The following MGMT variants were observed in gnomAD, a reference collection of about 807,000 sequenced individuals.
The protein encoded by MGMT is O-6-methylguanine-DNA methyltransferase.
Under a neutral mutation model 15.9 loss-of-function variants are expected in MGMT, and 14 were observed. The observed-to-expected ratio is 0.88, with a 90% CI of 0.58 to 1.37. The LOEUF (loss-of-function observed/expected upper bound fraction) is 1.37, where lower values mean the gene tolerates loss of function less well. MGMT is among the 40% of genes most tolerant of loss of function. The probability of loss-of-function intolerance (pLI) is 0.00; values close to 1 mark genes in which losing one functional copy is unlikely to be tolerated. For missense variants in MGMT, 282 were observed against 268.1 expected (o/e 1.05, Z -0.36); for synonymous variants, 130 against 118.2 (o/e 1.10, Z -0.65).
intron 2 of MGMT, among the ~76,000 whole-genome samples, chr10:129,697,724 G>A (rs796825758): frequency 4.3e-4 from 65 of 152,268 alleles, no homozygotes; most frequent in African/African-American, 1.5e-3. Context: ...ATGTGACGTC[G>A]AGGCGCCATG....
intron 1 of MGMT, among the ~76,000 whole-genome samples, chr10:129,473,930 C>T (rs1288810217): frequency 2.0e-5 from 3 of 152,106 alleles, no homozygotes; most frequent in South Asian, 4.1e-4. Context: ...AGCCATGTCC[C>T]GGGACTGTGC....
chr10:129,598,494 C>T (rs1377914561), intron 2 of MGMT, among the ~76,000 whole-genome samples: 4 of 152,276 alleles, frequency 2.6e-5, no homozygotes, highest in Admixed American at 2.6e-4. Flanking sequence ...CCCACACTCC[C>T]CTGCAGTGGT....
rs79829133 is a variant in MGMT, at chr10:129,760,279, G to A, written c.414+938G>A. Reference sequence around the variant, plus strand: ...TGTGTGGGGGCAGAAAGGGTGCCCCGTCTGCGTGGCCCATTGGGAGAACCC... The same window carrying A: ...TGTGTGGGGGCAGAAAGGGTGCCCCATCTGCGTGGCCCATTGGGAGAACCC... On this transcript the variant is annotated intron_variant, in intron 4 of 4. Transcript: ENST00000651593. Among the ~76,000 whole-genome samples, 117 of 152,328 alleles carry A rather than the reference G, an allele frequency of 7.7e-4. 1 individual carries two copies. The highest frequency in any genetic ancestry group is 2.6e-3 in the African/African-American group (108 of 41,584).
chr10:129,508,422 G>A (rs1845646740), intron 1 of MGMT, among the ~76,000 whole-genome samples: 1 of 151,822 alleles, frequency 6.6e-6, no homozygotes, highest in Non-Finnish European at 1.5e-5. Context: ...TGTCAGTTGA[G>A]AAAACTGGTT....
At position 129,556,158 on chromosome 10, in the gene MGMT, G is replaced by A. The variant is rs897606095; in HGVS notation, c.125+19781G>A. Among the ~76,000 whole-genome samples the A allele has an allele frequency of 9.2e-5, 14 of 152,152 alleles. No individual in the cohort carries two copies. The highest frequency in any genetic ancestry group is 1.9e-4 in the African/African-American group (8 of 41,436). On this transcript the variant is annotated intron_variant, in intron 2 of 4. Transcript: ENST00000651593. This position sits in a 1 kb window ranked among gnomAD's most constrained non-coding sequence, Gnocchi z 4.3. ...GTTTCATCGCCATTTAACCCTCCGC[G>A]TCTCACAGAGACCAAGCAGTGCTTT...
chr10:129,652,742 G>A (rs978233997), intron 2 of MGMT, among the ~76,000 whole-genome samples: 2 of 152,210 alleles, frequency 1.3e-5, no homozygotes, highest in African/African-American at 4.8e-5. Context: ...CGGCCGGCCT[G>A]CCTGCCTCTG....
At chr10:129,701,528 C>T (rs1848099388) in intron 2 of MGMT, 1 of 152,152 alleles carries the variant, frequency 6.6e-6, no homozygotes, top group Admixed American at 6.5e-5. Flanking sequence ...TTTAGTGATT[C>T]TCTACTGCCA....
rs1848347506 is a variant in MGMT, at chr10:129,719,754, C to CA, written c.274+11713dup. Among the ~76,000 whole-genome samples the CA allele has an allele frequency of 2.0e-5, 3 of 152,298 alleles. No individual in the cohort carries two copies. The East Asian group carries it at 5.8e-4, about 29-fold the overall frequency. On this transcript the variant is annotated intron_variant, in intron 3 of 4. Transcript: ENST00000651593. ...GTTGAAATGCCGAGGGTCAGGGCTG[C>CA]AACATACGAATTTTGGCAGAACATA...
chr10:129,687,805 A>G (rs569842323), intron 2 of MGMT, among the ~76,000 whole-genome samples: 31 of 151,462 alleles, frequency 2.0e-4, no homozygotes, highest in Admixed American at 7.2e-4. Flanking sequence ...CCATTAACTC[A>G]TCACTTACAT....
intron 2 of MGMT, among the ~76,000 whole-genome samples, chr10:129,545,272 G>A (rs377022124): frequency 2.0e-5 from 3 of 152,212 alleles, no homozygotes; most frequent in East Asian, 1.9e-4. Flanking sequence ...CTTGCCTGCA[G>A]TTGAGGGAGC....
chr10:129,589,462 C>T (rs1435642067), intron 2 of MGMT, among the ~76,000 whole-genome samples: 1 of 152,244 alleles, frequency 6.6e-6, no homozygotes, highest in African/African-American at 2.4e-5. Flanking sequence ...TTCTCAGTCG[C>T]ATTGTGGCTC....
At chr10:129,582,759 C>T (rs573834461) in intron 2 of MGMT, among the ~76,000 whole-genome samples, 3 of 152,316 alleles carry the variant, frequency 2.0e-5, no homozygotes, top group Admixed American at 2.0e-4. Context: ...CAGCGGGTTC[C>T]TGGCTCTTTA....
At chr10:129,580,830 T>G (rs553794726) in intron 2 of MGMT, among the ~76,000 whole-genome samples, 1 of 152,234 alleles carries the variant, frequency 6.6e-6, no homozygotes, top group Non-Finnish European at 1.5e-5. Context: ...TCCGTTTTGT[T>G]GAGGTCTTTG....
intron 3 of MGMT, among the ~76,000 whole-genome samples, chr10:129,736,636 G>A (rs1848565763): frequency 6.6e-6 from 1 of 152,128 alleles, no homozygotes; most frequent in Admixed American, 6.5e-5. Context: ...CTCGTTAGTT[G>A]ATGCAGTTTT....
In MGMT at chr10:129,755,454, C is replaced by T. The variant is rs572321646; in HGVS notation, c.275-3748C>T. On this transcript the variant is annotated intron_variant, in intron 3 of 4. Transcript: ENST00000651593. ...ACTGAGATGCTCTGCAAGCATGACC[C>T]GGCAGGTAGCACCTGTGTGTATGGG... 9.8e-5 allele frequency among the ~76,000 whole-genome samples: 15 copies of T among 152,330 alleles called. No individual in the cohort carries two copies. The South Asian group carries it at 1.5e-3, about 15-fold the overall frequency.
At chr10:129,569,361 A>G (rs976663594) in intron 2 of MGMT, among the ~76,000 whole-genome samples, 1 of 152,164 alleles carries the variant, frequency 6.6e-6, no homozygotes, top group Non-Finnish European at 1.5e-5. Context: ...CTAGCCTGCG[A>G]GTGGCTCAGG....
chr10:129,550,971 G>T (rs953337685), intron 2 of MGMT, among the ~76,000 whole-genome samples: 29 of 152,156 alleles, frequency 1.9e-4, no homozygotes, highest in African/African-American at 6.0e-4. Context: ...TGGAGGGCAG[G>T]TGGGCCTCTG....
chr10:129,527,720 C>G (rs117223285), intron 1 of MGMT, among the ~76,000 whole-genome samples: 1 of 152,014 alleles, frequency 6.6e-6, no homozygotes, highest in East Asian at 1.9e-4. Context: ...TCCCTGTCCC[C>G]ACCCTTGACA....
At chr10:129,631,650 C>T (rs1847210920) in intron 2 of MGMT, among the ~76,000 whole-genome samples, 1 of 152,068 alleles carries the variant, frequency 6.6e-6, no homozygotes. Context: ...AGGCAAAACC[C>T]CGTCTCCACC....
Sources: allele counts gnomAD v4.1 joint callset (sites outside exome capture counted in the v4.1 genomes callset), GRCh38; gene constraint gnomAD v4.1.1; non-coding constraint Gnocchi (gnomAD v3.1); transcripts MANE v1.5; gene names NCBI Gene and HGNC (gene_info 2026-07-23, HGNC 2026-07-21).